The following FOCAD variants were observed in gnomAD, a reference collection of about 807,000 sequenced individuals.
FOCAD encodes the protein KIAA1797.
Under a neutral mutation model 225.6 loss-of-function variants are expected in FOCAD, and 198 were observed. That is an observed-to-expected ratio of 0.88 (90% CI 0.78 to 0.99). The LOEUF (loss-of-function observed/expected upper bound fraction) is 0.99, where lower values mean the gene tolerates loss of function less well. Ranked by LOEUF, FOCAD falls within the 50% of genes least tolerant of loss-of-function variation. The probability of loss-of-function intolerance (pLI) is 0.00; values close to 1 mark genes in which losing one functional copy is unlikely to be tolerated. For synonymous variants in FOCAD, 897 were observed against 755.0 expected, an observed-to-expected ratio of 1.19 and a Z score of -3.08; for missense variants, 2,713 against 2,123.6, an observed-to-expected ratio of 1.28 and a Z score of -5.46.
chr9:20,892,797 G>T (rs371311049), intron 21 of FOCAD, among the ~76,000 whole-genome samples: 7 of 152,216 alleles, frequency 4.6e-5, no homozygotes, highest in African/African-American at 1.7e-4. Context: ...CTATCAAACA[G>T]CATTGCATGA....
chr9:20,943,192 C>T (rs1836839923), intron 28 of FOCAD, among the ~76,000 whole-genome samples: 1 of 152,142 alleles, frequency 6.6e-6, no homozygotes, highest in Admixed American at 6.5e-5. Context: ...CTATTGAGAT[C>T]TTAGATGTTG....
rs1403502593 is a variant in FOCAD, at chr9:20,727,520, A to G, written c.287+6986A>G. ...AGCTCAGTAACATTACATCTCTTAGATTTTATTTTAAAGAAGCATTTTTTT... is the reference window on the plus strand; with the variant it reads ...AGCTCAGTAACATTACATCTCTTAGGTTTTATTTTAAAGAAGCATTTTTTT... On this transcript the variant is annotated intron_variant, in intron 4 of 43. Coordinates refer to ENST00000338382, the MANE Select transcript of FOCAD (RefSeq NM_001375567.1). Among the ~76,000 whole-genome samples the G allele has an allele frequency of 3.9e-5, 6 of 152,148 alleles. 1 individual carries two copies. Among genetic ancestry groups the G allele is most frequent in the Non-Finnish European group, 8.8e-5 (6 of 68,002 alleles).
At chr9:20,910,956 C>G (rs1332664133) in intron 22 of FOCAD, among the ~76,000 whole-genome samples, 1 of 152,040 alleles carries the variant, frequency 6.6e-6, no homozygotes, top group Non-Finnish European at 1.5e-5. Context: ...GGTAGGCCTT[C>G]TTAAGAAGGT....
At chr9:20,699,796 A>G (rs1450736320) in intron 1 of FOCAD, among the ~76,000 whole-genome samples, 7 of 114,096 alleles carry the variant, frequency 6.1e-5, no homozygotes, top group Admixed American at 4.6e-4. Flanking sequence ...ATATATATAT[A>G]TATATATATA....
rs371466099 is a variant in FOCAD at position 20,789,351 on chromosome 9, C to G, written c.1198C>G (p.Leu400Val). The G allele has an allele frequency of 2.5e-6, 4 of 1,606,160 alleles. No individual in the cohort carries two copies. Among genetic ancestry groups the G allele is most frequent in the African/African-American group, 1.3e-5 (1 of 74,752 alleles). ...TGCCTCTCTTGTCTTTATTTTTCAG[C>G]TCTCCTACAAGCTTGTGTGCCCTGT... ...QECYRDDHQK[L>V]SYKLVCPVTS... Residue 400 changes from leucine to valine, a missense_variant and splice_region_variant, in exon 11 of 44, where the codon CTC becomes GTC. Coordinates refer to ENST00000338382, the MANE Select transcript of FOCAD (RefSeq NM_001375567.1).
At position 20,872,443 on chromosome 9, in the gene FOCAD, G is replaced by A. The variant is rs147117667; in HGVS notation, c.2191-2238G>A. ...TTGGTCATTTGACATAGTTTGCACA[G>A]CACTTTAAGGTTCCTCTGGTGGTGG... On this transcript the variant is annotated intron_variant, in intron 18 of 43. Transcript: ENST00000338382. Among the ~76,000 whole-genome samples, 344 of 152,062 alleles carry A rather than the reference G, an allele frequency of 2.3e-3. 3 individuals carry two copies. The highest frequency in any genetic ancestry group is 7.9e-3 in the African/African-American group (328 of 41,474).
intron 37 of FOCAD, among the ~76,000 whole-genome samples, chr9:20,979,242 C>T (rs1386644484): frequency 1.3e-5 from 2 of 152,214 alleles, no homozygotes; most frequent in Non-Finnish European, 2.9e-5. Context: ...GACTATTCTT[C>T]TGTCCTAGGA....
chr9:20,802,209 A>AT (rs771001858), intron 11 of FOCAD, among the ~76,000 whole-genome samples: 52 of 151,872 alleles, frequency 3.4e-4, no homozygotes, highest in African/African-American at 1.2e-3. Flanking sequence ...GCTTGTTACC[A>AT]TTTTTTTGTG....
chr9:20,877,296 A>G (rs945690910), intron 19 of FOCAD, among the ~76,000 whole-genome samples: 8 of 152,222 alleles, frequency 5.3e-5, no homozygotes, highest in African/African-American at 1.9e-4. Context: ...AAAGATTAAA[A>G]TATCTAAAGT....
intron 11 of FOCAD, among the ~76,000 whole-genome samples, chr9:20,814,745 A>G (rs967157560): frequency 6.6e-6 from 1 of 152,128 alleles, no homozygotes; most frequent in Non-Finnish European, 1.5e-5. Context: ...TTTTAAGCTG[A>G]TAACAAGTTA....
At chr9:20,656,159 T>C (rs1308573974), upstream of FOCAD, among the ~76,000 whole-genome samples, 3 of 149,844 alleles carry the variant, frequency 2.0e-5, no homozygotes, top group African/African-American at 7.4e-5. Context: ...TTATAATTTC[T>C]GTTCTTTTAC....
At chr9:20,686,462 T>C (rs556840053) in intron 1 of FOCAD, among the ~76,000 whole-genome samples, 1 of 152,274 alleles carries the variant, frequency 6.6e-6, no homozygotes, top group African/African-American at 2.4e-5. Context: ...GCAAGGTTAA[T>C]GGGGAAAATT....
chr9:20,691,983 A>C (rs1424459465), intron 1 of FOCAD, among the ~76,000 whole-genome samples: 1 of 151,636 alleles, frequency 6.6e-6, no homozygotes, highest in Non-Finnish European at 1.5e-5. Context: ...CTGATCTCGA[A>C]AAATGATCCA....
chr9:20,912,096 T>A (rs1217561355), intron 22 of FOCAD, among the ~76,000 whole-genome samples: 1 of 152,126 alleles, frequency 6.6e-6, no homozygotes. Flanking sequence ...ATATGTAAAC[T>A]GGCACATCTA....
At chr9:20,704,834 T>C (rs774193553) in intron 1 of FOCAD, among the ~76,000 whole-genome samples, 1 of 152,206 alleles carries the variant, frequency 6.6e-6, no homozygotes, top group Non-Finnish European at 1.5e-5. Flanking sequence ...TGTATTATAA[T>C]GTTAGTCAAG....
At chr9:20,793,548 A>T (rs533735454) in intron 11 of FOCAD, among the ~76,000 whole-genome samples, 1 of 152,154 alleles carries the variant, frequency 6.6e-6, no homozygotes, top group African/African-American at 2.4e-5. Context: ...TTTCAGTTCA[A>T]CCCCTACCAC....
chr9:20,775,871 A>C (rs899953047), intron 8 of FOCAD, among the ~76,000 whole-genome samples: 5 of 151,324 alleles, frequency 3.3e-5, no homozygotes, highest in Non-Finnish European at 7.4e-5. Context: ...CATTTTTTAA[A>C]ATTTCCTTAT....
chr9:20,712,434 C>T (rs186360277), intron 1 of FOCAD, among the ~76,000 whole-genome samples: 2,531 of 152,048 alleles, frequency 0.017, 61 homozygotes, highest in African/African-American at 0.058. Flanking sequence ...CCGAGGCGGG[C>T]GGATCACTTG....
In FOCAD at chr9:20,820,956, G is replaced by A; in HGVS notation, c.1678G>A (p.Glu560Lys). ...LWEKQDRVYP[E>K]LQRFMAVSDV... ...GCCTTCGTAGGACCGAGTCTATCCT[G>A]AACTGCAGCGTTTCATGGCTGTGTC... The change falls in exon 14 of 44, where the codon GAA (glutamate) becomes AAA (lysine). Residue 560 changes from glutamate (E) to lysine (K), a missense_variant. Transcript: ENST00000338382. 1 of 1,612,442 alleles carries A rather than the reference G, an allele frequency of 6.2e-7. No homozygotes were observed. The highest frequency in any genetic ancestry group is 8.5e-7 in the Non-Finnish European group (1 of 1,178,966).
Sources: allele counts gnomAD v4.1 joint callset (sites outside exome capture counted in the v4.1 genomes callset), GRCh38; gene constraint gnomAD v4.1.1; transcripts MANE v1.5; gene names NCBI Gene and HGNC (gene_info 2026-07-23, HGNC 2026-07-21).